NXPE2: variants seen among roughly 807,000 people sequenced by gnomAD.
The protein encoded by NXPE2 is NXPE family member 2.
In NXPE2, 34 loss-of-function variants were observed where a neutral mutation model predicts 34.4. That is an observed-to-expected ratio of 0.99 (90% confidence interval 0.75 to 1.31). NXPE2 has a LOEUF of 1.31. Among genes scored for constraint, NXPE2 ranks in the 40% most tolerant of loss-of-function variants. NXPE2 has a pLI of 0.00. For missense variants in NXPE2, 649 were observed against 672.5 expected, an observed-to-expected ratio of 0.97 and a Z score of 0.39; for synonymous variants, 235 against 231.3, an observed-to-expected ratio of 1.02 and a Z score of -0.15.
chr11:114,587,879 A>G, the NXPE2 span, among the ~76,000 whole-genome samples: 2 of 152,140 alleles, frequency 1.3e-5, no homozygotes, highest in Admixed American at 6.5e-5. Context: ...CTTTTGCATA[A>G]GGGTGTGGCC....
chr11:114,725,993 A>ATATATATATATATATATATATATAT, the NXPE2 span, among the ~76,000 whole-genome samples: 7 of 127,350 alleles, frequency 5.5e-5, no homozygotes, highest in African/African-American at 8.1e-5. Flanking sequence ...ATATATATAT[A>ATATATATATATATATATATATATAT]AAAAGAAAAA....
chr11:114,610,739 C>T, the NXPE2 span, among the ~76,000 whole-genome samples: 14 of 151,892 alleles, frequency 9.2e-5, no homozygotes, highest in African/African-American at 2.4e-4. Context: ...CCACTGTTGC[C>T]CTTTGGATAA....
chr11:114,492,277 T>C, the NXPE2 span, among the ~76,000 whole-genome samples: 1 of 152,192 alleles, frequency 6.6e-6, no homozygotes, highest in African/African-American at 2.4e-5. Flanking sequence ...TTGTTTAATT[T>C]TCGTGTATTT....
At chr11:114,545,220 T>G in the NXPE2 span, among the ~76,000 whole-genome samples, 3 of 152,182 alleles carry the variant, frequency 2.0e-5, no homozygotes, top group East Asian at 5.8e-4. Context: ...TGTATACATA[T>G]CCAGTTGATT....
At chr11:114,486,835 A>T in the NXPE2 span, among the ~76,000 whole-genome samples, 1 of 151,950 alleles carries the variant, frequency 6.6e-6, no homozygotes, top group Admixed American at 6.6e-5. Context: ...TGGGTTCTCT[A>T]TTCTGTTCTA....
the NXPE2 span, among the ~76,000 whole-genome samples, chr11:114,485,383 CTTTTTTTT>C: frequency 3.8e-4 from 34 of 89,222 alleles, no homozygotes; most frequent in Admixed American, 5.7e-4. Context: ...TAATTTTTGT[CTTTTTTTT>C]TTTTTTTTTT....
the NXPE2 span, chr11:114,529,864 A>G: frequency 7.2e-6 from 2 of 276,996 alleles, no homozygotes; most frequent in African/African-American, 4.4e-5. Context: ...GGCAAAATTA[A>G]CAAAATATGA....
chr11:114,777,014 A>C, the NXPE2 span, among the ~76,000 whole-genome samples: 1 of 152,260 alleles, frequency 6.6e-6, no homozygotes, highest in Non-Finnish European at 1.5e-5. Flanking sequence ...CTAAACAATA[A>C]TTATGTACGA....
chr11:114,522,282 G>C, the NXPE2 span: 2 of 1,614,032 alleles, frequency 1.2e-6, no homozygotes, highest in Middle Eastern at 1.7e-4. Flanking sequence ...ATGGGAAATG[G>C]TCTAAAGTGC....
At chr11:114,784,064 G>A in the NXPE2 span, among the ~76,000 whole-genome samples, 1 of 152,210 alleles carries the variant, frequency 6.6e-6, no homozygotes, top group Admixed American at 6.5e-5. Flanking sequence ...GTAGCCTCAA[G>A]GTCACACAGC....
At chr11:114,604,420 G>A in the NXPE2 span, among the ~76,000 whole-genome samples, 4 of 151,866 alleles carry the variant, frequency 2.6e-5, no homozygotes, top group Admixed American at 1.3e-4. Flanking sequence ...GTATTGCCTC[G>A]TGGGTAACCA....
the NXPE2 span, among the ~76,000 whole-genome samples, chr11:114,486,230 T>A: frequency 6.6e-6 from 1 of 152,194 alleles, no homozygotes; most frequent in Non-Finnish European, 1.5e-5. Context: ...AGTTTTGATT[T>A]GCATTTCTCT....
chr11:114,464,803 A>C, the NXPE2 span, among the ~76,000 whole-genome samples: 112 of 152,280 alleles, frequency 7.4e-4, no homozygotes, highest in African/African-American at 2.5e-3. Flanking sequence ...TGCAAATTAT[A>C]TAATTGACAA....
chr11:114,537,389 A>G, the NXPE2 span, among the ~76,000 whole-genome samples: 1 of 152,144 alleles, frequency 6.6e-6, no homozygotes, highest in South Asian at 2.1e-4. Flanking sequence ...GATGCCCTCT[A>G]TCAACACTCC....
chr11:114,768,968 T>C, the NXPE2 span, among the ~76,000 whole-genome samples: 1 of 152,146 alleles, frequency 6.6e-6, no homozygotes, highest in Non-Finnish European at 1.5e-5. Context: ...TGGGATCTAA[T>C]TAAACTAAAG....
intron 2 of NXPE2, among the ~76,000 whole-genome samples, chr11:114,695,068 C>T (rs1296016629): frequency 6.6e-6 from 1 of 151,756 alleles, no homozygotes; most frequent in Non-Finnish European, 1.5e-5. Context: ...TTAGTGTGAG[C>T]TTTTATATTT....
the NXPE2 span, among the ~76,000 whole-genome samples, chr11:114,622,413 G>A: frequency 3.8e-4 from 57 of 151,698 alleles, no homozygotes; most frequent in African/African-American, 1.1e-3. Flanking sequence ...ACTGTTACCC[G>A]GTGTATAATA....
At chr11:114,648,978 A>G in the NXPE2 span, among the ~76,000 whole-genome samples, 2 of 152,230 alleles carry the variant, frequency 1.3e-5, no homozygotes, top group African/African-American at 4.8e-5. Flanking sequence ...TATACACACA[A>G]TACAAATATA....
the NXPE2 span, chr11:114,583,964 G>A: frequency 2.6e-6 from 1 of 383,684 alleles, no homozygotes; most frequent in Middle Eastern, 9.0e-4. Flanking sequence ...TGAGTCCTAT[G>A]AGGCCATTTT....
Sources: gnomAD v4.1 joint callset for allele counts (sites outside exome capture counted in the v4.1 genomes callset) on GRCh38, gnomAD v4.1.1 for gene constraint, MANE v1.5 for transcripts, NCBI Gene and HGNC (gene_info 2026-07-23, HGNC 2026-07-21) for gene names.